The following NFIC variants were observed in gnomAD, a reference collection of about 807,000 sequenced individuals.
The protein encoded by NFIC is nuclear factor 1 C-type.
NFIC carries 12 observed loss-of-function variants against 54.4 expected under a neutral mutation model. The ratio of observed to expected loss-of-function variants is 0.22; its 90% CI spans 0.14 to 0.36. The LOEUF is 0.36. Among genes scored for constraint, NFIC ranks in the 10% least tolerant of loss-of-function variants. NFIC has a pLI of 1.00. For synonymous variants in NFIC, 322 were observed against 319.2 expected, an observed-to-expected ratio of 1.01 and a Z score of -0.09; for missense variants, 575 against 718.2, an observed-to-expected ratio of 0.80 and a Z score of 2.28.
chr19:3,380,372 C>G (rs2081186353), intron 1 of NFIC, among the ~76,000 whole-genome samples: 1 of 134,948 alleles, frequency 7.4e-6, no homozygotes, highest in Non-Finnish European at 1.5e-5. Flanking sequence ...GGCTCCCAGG[C>G]TGGAGTGCAG....
Position 3,434,437 on chromosome 19 carries a change from A to C in NFIC, c.833+37A>C, listed in dbSNP as rs1568180127. The C allele has an allele frequency of 1.9e-6, 3 of 1,555,580 alleles. 1 individual carries two copies. In the Admixed American group the frequency reaches 5.7e-5, roughly 29 times the overall value. On this transcript the variant is annotated intron_variant, in intron 5 of 10. Coordinates refer to ENST00000443272, the MANE Select transcript of NFIC (RefSeq NM_001245002.2). ...GGTCCCCACCTCTGGGCATTTCATG[A>C]CCCCATTCATCAACCCATCCCCTCT...
upstream of NFIC, among the ~76,000 whole-genome samples, chr19:3,362,547 C>T (rs1310973727): frequency 6.6e-6 from 1 of 151,676 alleles, no homozygotes; most frequent in Non-Finnish European, 1.5e-5. Flanking sequence ...GTGTATGTAG[C>T]TGTGTGTCGT....
intron 3 of NFIC, among the ~76,000 whole-genome samples, chr19:3,425,905 C>A (rs965507398): frequency 7.2e-6 from 1 of 139,804 alleles, no homozygotes; most frequent in African/African-American, 2.7e-5. Context: ...CAGGTGTGCA[C>A]CACCATGCCT....
At chr19:3,385,409 G>T (rs1039119775) in intron 2 of NFIC, among the ~76,000 whole-genome samples, 10 of 152,118 alleles carry the variant, frequency 6.6e-5, no homozygotes, top group Admixed American at 2.0e-4. Flanking sequence ...AGTGCCCAGG[G>T]TGAGAGCTCA....
intron 3 of NFIC, among the ~76,000 whole-genome samples, chr19:3,428,949 A>G (rs2082070606): frequency 6.6e-6 from 1 of 151,638 alleles, no homozygotes; most frequent in Non-Finnish European, 1.5e-5. Context: ...TGAACCTCCC[A>G]GCGCGGGGCA....
intron 9 of NFIC, chr19:3,454,334 A>T (rs1268190608): frequency 2.5e-5 from 23 of 922,818 alleles, no homozygotes; most frequent in Non-Finnish European, 2.9e-5. Context: ...TTTTAAAATC[A>T]GGACGTTTTA....
intron 2 of NFIC, among the ~76,000 whole-genome samples, chr19:3,393,092 C>T (rs926458184): frequency 3.3e-5 from 5 of 152,168 alleles, no homozygotes; most frequent in African/African-American, 9.7e-5. Context: ...AGGTGCCCGC[C>T]ACCACACCCA....
intron 2 of NFIC, among the ~76,000 whole-genome samples, chr19:3,412,168 G>A (rs1230695985): frequency 6.6e-6 from 1 of 151,984 alleles, no homozygotes; most frequent in Non-Finnish European, 1.5e-5. Context: ...CTGCAGCCTG[G>A]AGCTCCTGGG....
At chr19:3,438,746 G>T (rs1011237160) in intron 6 of NFIC, among the ~76,000 whole-genome samples, 1 of 152,120 alleles carries the variant, frequency 6.6e-6, no homozygotes, top group Admixed American at 6.6e-5. Flanking sequence ...CTCCTCCTGA[G>T]GGTTTCATCC....
rs1402100308 is a variant in NFIC, at chr19:3,375,718, A to G, written c.31-5994A>G. On this transcript the variant is annotated intron_variant, in intron 1 of 10. Coordinates refer to ENST00000443272, the MANE Select transcript of NFIC (RefSeq NM_001245002.2). The surrounding 1 kb of genome is among the most constrained non-coding windows in gnomAD (Gnocchi z 4.6). The stretch of plus-strand genomic sequence containing the variant: ...GGAGGCTATTTTCAGAGCCTCAGTA[A>G]TAGGTGAAATCTGATGTCCTGCCCC... Among the ~76,000 whole-genome samples, 2 of 152,140 alleles carry G rather than the reference A, an allele frequency of 1.3e-5. No homozygotes were observed. The highest frequency in any genetic ancestry group is 4.8e-5 in the African/African-American group (2 of 41,434).
At position 3,458,632 on chromosome 19, in the gene NFIC, T is replaced by G. The variant is rs1599730905; in HGVS notation, c.1509+1997T>G. Reference sequence around the variant, plus strand: ...GGACCAGGGCTGGCAGAATGGGGTGTGGGGGGGCACTGGCAAGGGGCTCAG... The same window carrying G: ...GGACCAGGGCTGGCAGAATGGGGTGGGGGGGGGCACTGGCAAGGGGCTCAG... On this transcript the variant is annotated intron_variant, in intron 10 of 10. Coordinates refer to ENST00000443272, the MANE Select transcript of NFIC (RefSeq NM_001245002.2). The surrounding 1 kb of genome is among the most constrained non-coding windows in gnomAD (Gnocchi z 4.1). Among the ~76,000 whole-genome samples, 11 of 81,188 alleles carry G rather than the reference T, an allele frequency of 1.4e-4. No individual in the cohort carries two copies. Among genetic ancestry groups the G allele is most frequent in the Admixed American group, 1.1e-4 (1 of 9,050 alleles). 53.3% of individuals were successfully genotyped at this position (81,188 alleles called of 152,430 possible).
chr19:3,415,537 G>A (rs1333300510), intron 2 of NFIC, among the ~76,000 whole-genome samples: 3 of 152,092 alleles, frequency 2.0e-5, no homozygotes, highest in African/African-American at 7.2e-5. Context: ...GCCCAGAGAT[G>A]GGCAGGGGTT....
chr19:3,380,443 A>C (rs761900409), intron 1 of NFIC, among the ~76,000 whole-genome samples: 1 of 146,558 alleles, frequency 6.8e-6, no homozygotes, highest in Non-Finnish European at 1.5e-5. Flanking sequence ...CTCCTGTCTC[A>C]GCCTCCTGAG....
intron 6 of NFIC, among the ~76,000 whole-genome samples, chr19:3,445,041 A>G (rs1191566353): frequency 6.6e-6 from 1 of 152,198 alleles, no homozygotes; most frequent in Non-Finnish European, 1.5e-5. Flanking sequence ...ATACACAGAT[A>G]TGAACGTGCA....
intron 2 of NFIC, among the ~76,000 whole-genome samples, chr19:3,419,799 A>C (rs78055598): frequency 3.3e-5 from 1 of 30,404 alleles, no homozygotes; most frequent in Admixed American, 2.5e-4. Context: ...ACTCTGTTCC[A>C]AAAAAAAAAA....
intron 2 of NFIC, among the ~76,000 whole-genome samples, chr19:3,403,249 C>G (rs2081585447): frequency 3.3e-5 from 5 of 152,274 alleles, no homozygotes; most frequent in African/African-American, 9.6e-5. Flanking sequence ...CCTTCTACCC[C>G]CTTTCAGGTT....
At chr19:3,397,052 G>C (rs947963256) in intron 2 of NFIC, among the ~76,000 whole-genome samples, 4 of 152,128 alleles carry the variant, frequency 2.6e-5, no homozygotes, top group Admixed American at 1.3e-4. Flanking sequence ...GGGGTGCATT[G>C]TGGGGGGATT....
intron 3 of NFIC, among the ~76,000 whole-genome samples, chr19:3,430,982 CTG>C (rs2082111943): frequency 6.6e-6 from 1 of 151,374 alleles, no homozygotes; most frequent in African/African-American, 2.4e-5. Flanking sequence ...GCATCACACA[CTG>C]TGTGGCCTTT....
intron 2 of NFIC, among the ~76,000 whole-genome samples, chr19:3,416,888 T>C (rs1311445934): frequency 0.034 from 1,639 of 48,486 alleles, 32 homozygotes; most frequent in African/African-American, 0.28. Context: ...TCCCAGTGCT[T>C]TTTTTTTTTT....
Sources: allele counts gnomAD v4.1 joint callset (sites outside exome capture counted in the v4.1 genomes callset), GRCh38; gene constraint gnomAD v4.1.1; non-coding constraint Gnocchi (gnomAD v3.1); transcripts MANE v1.5; gene names NCBI Gene and HGNC (gene_info 2026-07-23, HGNC 2026-07-21).